Variants in HACD2 observed in about 807,000 individuals in gnomAD.
The protein encoded by HACD2 is very-long-chain (3R)-3-hydroxyacyl-CoA dehydratase 2.
HACD2 carries 15 observed loss-of-function variants against 31.0 expected under a neutral mutation model. That is an observed-to-expected ratio of 0.48 (90% confidence interval 0.32 to 0.75). The LOEUF is 0.75. HACD2 is among the 30% of genes least tolerant of loss of function. HACD2 has a pLI of 0.03. For missense variants in HACD2, 283 were observed against 313.0 expected (o/e 0.90, Z 0.72); for synonymous variants, 115 against 122.2 (o/e 0.94, Z 0.39).
At chr3:123,574,991 A>G (rs1379595867) in intron 2 of HACD2, among the ~76,000 whole-genome samples, 1 of 152,176 alleles carries the variant, frequency 6.6e-6, no homozygotes, top group Non-Finnish European at 1.5e-5. Context: ...AAAATCTGAA[A>G]TATCTTATGG....
chr3:123,535,100 G>C (rs1337696120), intron 3 of HACD2, among the ~76,000 whole-genome samples: 2 of 152,144 alleles, frequency 1.3e-5, no homozygotes, highest in Non-Finnish European at 2.9e-5. Context: ...ACACAGCAAT[G>C]TCCTAGGCCT....
At chr3:123,528,788 C>T (rs1199185093) in intron 3 of HACD2, among the ~76,000 whole-genome samples, 10 of 152,156 alleles carry the variant, frequency 6.6e-5, no homozygotes. Context: ...AGCAAAACCA[C>T]TACCTAATCT....
chr3:123,516,233 A>T (rs1165554023), intron 4 of HACD2, among the ~76,000 whole-genome samples: 3 of 125,810 alleles, frequency 2.4e-5, no homozygotes, highest in African/African-American at 2.8e-5. Flanking sequence ...TGTGCAACAT[A>T]TTTTTTTTTT....
chr3:123,552,269 G>T (rs760132302), intron 3 of HACD2, among the ~76,000 whole-genome samples: 1 of 152,156 alleles, frequency 6.6e-6, no homozygotes, highest in African/African-American at 2.4e-5. Context: ...AGGAAGAAAT[G>T]AGTAAAAAAG....
At chr3:123,528,304 T>A in intron 4 of HACD2, 82 bp downstream of exon 4, 1 of 849,472 alleles carries the variant, frequency 1.2e-6, no homozygotes, top group Non-Finnish European at 2.0e-6. Flanking sequence ...TGGAACTCTT[T>A]AGCCATAACA....
chr3:123,544,223 T>C (rs773267743), intron 3 of HACD2, among the ~76,000 whole-genome samples: 1 of 151,452 alleles, frequency 6.6e-6, no homozygotes, highest in Non-Finnish European at 1.5e-5. Flanking sequence ...GCAGGAGGAG[T>C]GAAGCTTGTC....
At chr3:123,568,593 T>C (rs1445695883) in intron 2 of HACD2, among the ~76,000 whole-genome samples, 2 of 152,204 alleles carry the variant, frequency 1.3e-5, no homozygotes, top group African/African-American at 2.4e-5. Context: ...TCCATCTCAA[T>C]GGCCATCCAA....
In HACD2 at chr3:123,492,874, AG is replaced by A. The variant is rs2107673103; in HGVS notation, c.*2013del. On this transcript the variant is annotated 3_prime_UTR_variant, in exon 7 of 7. Transcript: ENST00000383657. ...TTATGGAAGAATAAAATGAGAGAAAAGTCATGCAAAAAATCTTTCCCACATA... is the reference window on the plus strand; with the variant it reads ...TTATGGAAGAATAAAATGAGAGAAAATCATGCAAAAAATCTTTCCCACATA... 6.6e-6 allele frequency: 1 copy of A among 152,360 alleles called. No homozygotes were observed. Among genetic ancestry groups the A allele is most frequent in the South Asian group, 2.1e-4 (1 of 4,830 alleles). 9.4% of individuals were successfully genotyped at this position (152,360 alleles called of 1,614,324 possible).
chr3:123,494,360 G>A lies in HACD2; in HGVS notation c.*528C>T, dbSNP rs546768812. The A allele has an allele frequency of 6.4e-6, 1 of 157,064 alleles. No individual in the cohort carries two copies. The highest frequency in any genetic ancestry group is 2.0e-4 in the South Asian group (1 of 5,040). 9.7% of individuals were successfully genotyped at this position (157,064 alleles called of 1,614,324 possible). A position where few individuals can be genotyped will look rare whatever the true frequency, so the allele number is the denominator to read the frequency against. ...TTTATAATTCATTCATTAGATGTGA[G>A]GGGATAGGTCCCAGCCATAACTTCA... On this transcript the variant is annotated 3_prime_UTR_variant, in exon 7 of 7. Transcript: ENST00000383657.
intron 1 of HACD2, 89 bp downstream of exon 1, chr3:123,584,784 G>A: frequency 9.2e-7 from 1 of 1,085,888 alleles, no homozygotes; most frequent in Non-Finnish European, 1.2e-6. Flanking sequence ...CCTGCGGCGG[G>A]CCGCGCCGAT....
chr3:123,585,051 C>T lies in HACD2; in HGVS notation c.-24G>A, dbSNP rs758190369. The T allele has an allele frequency of 2.5e-5, 36 of 1,437,258 alleles. No homozygotes were observed. The highest frequency in any genetic ancestry group is 2.3e-4 in the Middle Eastern group (1 of 4,422). The allele number at this position is 1,437,258 out of a possible 1,614,324, so 89.0% of individuals were successfully genotyped here. ...ATGTCAAGTGCCCGAAGCCCGCTCT[C>T]CTAGCGCGAGCGGCTCGGGCCGGAC... On this transcript the variant is annotated 5_prime_UTR_variant, in exon 1 of 7. Transcript: ENST00000383657.
intron 3 of HACD2, among the ~76,000 whole-genome samples, chr3:123,532,244 G>T (rs947905944): frequency 4.6e-5 from 7 of 152,178 alleles, no homozygotes; most frequent in African/African-American, 1.7e-4. Context: ...CAGTGAACTC[G>T]CCTACTTAGA....
At chr3:123,508,765 G>A (rs1012720319) in intron 4 of HACD2, among the ~76,000 whole-genome samples, 21 of 152,164 alleles carry the variant, frequency 1.4e-4, no homozygotes, top group African/African-American at 5.1e-4. Context: ...TGCTCAGGCT[G>A]CCATAACAGA....
At chr3:123,496,625 G>A (rs1259014393) in intron 6 of HACD2, among the ~76,000 whole-genome samples, 3 of 152,166 alleles carry the variant, frequency 2.0e-5, no homozygotes, top group Non-Finnish European at 2.9e-5. Context: ...ATTTTGGCAC[G>A]AAAGCCAGAA....
chr3:123,504,996 G>A (rs530084107), intron 4 of HACD2, among the ~76,000 whole-genome samples: 2 of 152,346 alleles, frequency 1.3e-5, no homozygotes, highest in East Asian at 1.9e-4. Flanking sequence ...AAACCCAGGT[G>A]TGTACTGATG....
intron 6 of HACD2, among the ~76,000 whole-genome samples, chr3:123,496,900 C>T (rs960949859): frequency 3.9e-5 from 6 of 152,146 alleles, no homozygotes; most frequent in African/African-American, 1.2e-4. Context: ...ATGCATTAAG[C>T]CCTTGGTGGC....
intron 3 of HACD2, among the ~76,000 whole-genome samples, chr3:123,542,385 C>A (rs1001445116): frequency 6.6e-6 from 1 of 152,214 alleles, no homozygotes. Flanking sequence ...AAAAAAGAAT[C>A]ATAATACCCA....
intron 2 of HACD2, among the ~76,000 whole-genome samples, chr3:123,577,057 T>C (rs2056915046): frequency 6.6e-6 from 1 of 152,096 alleles, no homozygotes; most frequent in African/African-American, 2.4e-5. Flanking sequence ...CAGGACACGA[T>C]CAGAAATGAG....
rs142350119 is a variant in HACD2, at chr3:123,515,917, C to T, written c.381+12469G>A. 1.5e-3 allele frequency among the ~76,000 whole-genome samples: 234 copies of T among 152,024 alleles called. 1 individual carries two copies. Among genetic ancestry groups the T allele is most frequent in the Middle Eastern group, 6.8e-3 (2 of 294 alleles). ...GACTACAGGTATGCACCACCATGCC[C>T]GGCTAAATTTTTGTATTTTTTTGGT... On this transcript the variant is annotated intron_variant, in intron 4 of 6. Coordinates refer to ENST00000383657, the MANE Select transcript of HACD2 (RefSeq NM_198402.5).
Sources: gnomAD v4.1 joint callset for allele counts (sites outside exome capture counted in the v4.1 genomes callset) on GRCh38, gnomAD v4.1.1 for gene constraint, MANE v1.5 for transcripts, NCBI Gene and HGNC (gene_info 2026-07-23, HGNC 2026-07-21) for gene names.